The following HEATR1 variants were observed in gnomAD, a reference collection of about 807,000 sequenced individuals.
The protein encoded by HEATR1 is HEAT repeat-containing protein 1.
HEATR1 carries 77 observed loss-of-function variants against 248.2 expected under a neutral mutation model. The ratio of observed to expected loss-of-function variants is 0.31; its 90% confidence interval spans 0.26 to 0.37. The LOEUF (loss-of-function observed/expected upper bound fraction) is 0.37. Ranked by LOEUF, HEATR1 falls within the 10% of genes least tolerant of loss-of-function variation. The probability of loss-of-function intolerance (pLI) is 1.00; values close to 1 mark genes in which losing one functional copy is unlikely to be tolerated. For missense variants in HEATR1, 2,420 were observed against 2,504.9 expected, an observed-to-expected ratio of 0.97 and a Z score of 0.72; for synonymous variants, 897 against 923.1, an observed-to-expected ratio of 0.97 and a Z score of 0.51.
rs528159743 is a variant in HEATR1, at chr1:236,594,219, C to T, written c.1091-105G>A. Reference sequence around the variant, plus strand: ...AATCGTTCTCAGAATAAAACACACACACTGATATCCAGCTTTTTATCTATT... The same window carrying T: ...AATCGTTCTCAGAATAAAACACACATACTGATATCCAGCTTTTTATCTATT... On this transcript the variant is annotated intron_variant, in intron 8 of 44. Transcript: ENST00000366582. 1.9e-5 allele frequency: 12 copies of T among 630,946 alleles called. No individual in the cohort carries two copies. The South Asian group carries it at 2.4e-4, about 13-fold the overall frequency. The allele number at this position is 630,946 out of a possible 1,614,324, so 39.1% of individuals were successfully genotyped here.
rs894209394 is a variant in HEATR1 at position 236,549,992 on chromosome 1, A to G, written c.*910T>C. On this transcript the variant is annotated 3_prime_UTR_variant, in exon 45 of 45. Transcript: ENST00000366582. ...TTAGCTTCAAAGGCTTTTAAACTCA[A>G]TGCGAACATTCTACGGGATGTTCTT... 6.6e-6 allele frequency: 1 copy of G among 152,202 alleles called. No homozygotes were observed. The highest frequency in any genetic ancestry group is 2.4e-5 in the African/African-American group (1 of 41,444). 9.4% of individuals were successfully genotyped at this position (152,202 alleles called of 1,614,324 possible). A position where few individuals can be genotyped will look rare whatever the true frequency, so the allele number is the denominator to read the frequency against.
rs757814368 is a variant in HEATR1, at chr1:236,603,359, C to T, written c.160G>A (p.Glu54Lys). The change falls in exon 3 of 45, where the codon GAG becomes AAG. Residue 54 changes from glutamate (E) to lysine (K), a missense_variant. Glu to Lys is a moderately conservative substitution (Grantham distance 56). Coordinates refer to ENST00000366582, the MANE Select transcript of HEATR1 (RefSeq NM_018072.6). ...AAGGAAGGATCAATTCCAAGCAACT[C>T]TTCCAGGCCAGTACATCCTAAATTT... ...AFAIGCTGLE[E>K]LLGIDPSFEQ... 91 of 1,613,842 alleles carry T rather than the reference C, an allele frequency of 5.6e-5. 1 individual carries two copies. The highest frequency in any genetic ancestry group is 7.1e-5 in the Non-Finnish European group (84 of 1,179,998).
In HEATR1 at chr1:236,584,379, G is replaced by A. The variant is rs1051090401; in HGVS notation, c.2241+646C>T. ...ACACATTTTAGCTAACAATGGCCAT[G>A]ATCAGAACTTATAAAATCCTGCGGG... On this transcript the variant is annotated intron_variant, in intron 17 of 44. Transcript: ENST00000366582. 2.6e-5 allele frequency among the ~76,000 whole-genome samples: 4 copies of A among 152,008 alleles called. 1 individual carries two copies. Among genetic ancestry groups the A allele is most frequent in the South Asian group, 4.1e-4 (2 of 4,820 alleles).
chr1:236,603,731 T>C (rs988357287), intron 2 of HEATR1, among the ~76,000 whole-genome samples: 1 of 152,054 alleles, frequency 6.6e-6, no homozygotes, highest in African/African-American at 2.4e-5. Flanking sequence ...CTCTCTAATT[T>C]TGTTTCTTCA....
chr1:236,574,743 A>G lies in HEATR1; in HGVS notation c.3245T>C (p.Leu1082Pro). The change falls in exon 23 of 45, where the codon CTA becomes CCA. Residue 1082 changes from leucine (L) to proline (P), a missense_variant. Leu to Pro is a moderately conservative substitution (Grantham distance 98, BLOSUM62 -3). Transcript: ENST00000366582. ...VSLLNEDPKS[L>P]DIFIKAVHTT... The stretch of plus-strand genomic sequence containing the variant: ...GTGCACAGCTTTTATAAATATATCT[A>G]GACTCTTCGGATCCTCATTTAAAAG... The G allele has an allele frequency of 6.2e-7, 1 of 1,613,834 alleles. No individual in the cohort carries two copies. Among genetic ancestry groups the G allele is most frequent in the South Asian group, 1.1e-5 (1 of 91,080 alleles).
At chr1:236,553,202 A>G (rs547320365) in intron 43 of HEATR1, among the ~76,000 whole-genome samples, 5 of 152,344 alleles carry the variant, frequency 3.3e-5, no homozygotes, top group Admixed American at 2.0e-4. Context: ...AACTCAAAAG[A>G]CTATAGTGTG....
Position 236,590,861 on chromosome 1 carries a change from T to A in HEATR1, c.1516A>T (p.Met506Leu). 6.6e-7 allele frequency: 1 copy of A among 1,505,154 alleles called. No individual in the cohort carries two copies. The highest frequency in any genetic ancestry group is 9.0e-7 in the Non-Finnish European group (1 of 1,116,632). The allele number at this position is 1,505,154 out of a possible 1,614,324, so 93.2% of individuals were successfully genotyped here. ...ILAMNHLKKI[M>L]KTSKEGVDES... Reference sequence around the variant, plus strand: ...CTGAAACAAACCTTTGATGTTTTCATGATCTTTTTCAAATGATTCATGGCC... The same window carrying A: ...CTGAAACAAACCTTTGATGTTTTCAAGATCTTTTTCAAATGATTCATGGCC... Residue 506 changes from methionine (M) to leucine (L), a missense_variant, in exon 12 of 45, where the codon ATG becomes TTG. Coordinates refer to ENST00000366582, the MANE Select transcript of HEATR1 (RefSeq NM_018072.6).
intron 6 of HEATR1, among the ~76,000 whole-genome samples, 178 bp downstream of exon 6, chr1:236,596,658 T>C (rs1664184179): frequency 6.6e-6 from 1 of 152,122 alleles, no homozygotes; most frequent in Non-Finnish European, 1.5e-5. Context: ...CTAATTAAGG[T>C]CCCAGGCCAG....
chr1:236,580,519 C>CTT lies in HEATR1; in HGVS notation c.2755+701_2755+702dup, dbSNP rs10692063. 2.0e-3 allele frequency among the ~76,000 whole-genome samples: 266 copies of CTT among 132,104 alleles called. 13 individuals are homozygous for CTT. The highest frequency in any genetic ancestry group is 5.6e-3 in the African/African-American group (204 of 36,512). The allele number at this position is 132,104 out of a possible 152,430, so 86.7% of individuals were successfully genotyped here. A position where few individuals can be genotyped will look rare whatever the true frequency, so the allele number is the denominator to read the frequency against. ...CAGAAATATGTATAGATGTACAGCC[C>CTT]TTTTTTTTTTTTTTTGAGACAGGGT... On this transcript the variant is annotated intron_variant, in intron 20 of 44. Coordinates refer to ENST00000366582, the MANE Select transcript of HEATR1 (RefSeq NM_018072.6).
Position 236,595,525 on chromosome 1 carries a change from T to C in HEATR1, c.1090+15A>G, listed in dbSNP as rs1375082256. On this transcript the variant is annotated intron_variant, in intron 8 of 44. Coordinates refer to ENST00000366582, the MANE Select transcript of HEATR1 (RefSeq NM_018072.6). ...TCTTAGAAAATTTCTGGACAAAAAATATAAAACCACACACCTGTAACATGA... is the reference window on the plus strand; with the variant it reads ...TCTTAGAAAATTTCTGGACAAAAAACATAAAACCACACACCTGTAACATGA... 1.9e-6 allele frequency: 3 copies of C among 1,590,164 alleles called. No individual in the cohort carries two copies. The highest frequency in any genetic ancestry group is 2.6e-6 in the Non-Finnish European group (3 of 1,170,508).
chr1:236,557,120 A>T, intron 37 of HEATR1, 75 bp downstream of exon 37: 1 of 1,478,314 alleles, frequency 6.8e-7, no homozygotes, highest in Non-Finnish European at 9.1e-7. Flanking sequence ...TAAAGAAAAA[A>T]CAAAATCACT....
intron 21 of HEATR1, 37 bp downstream of exon 21, chr1:236,576,743 C>T (rs758577928): frequency 3.4e-5 from 53 of 1,579,814 alleles, no homozygotes; most frequent in Non-Finnish European, 3.7e-5. Context: ...TACACAGAGG[C>T]ATGAACACAC....
In HEATR1 at chr1:236,550,768, G is replaced by GTGAT; in HGVS notation, c.*130_*133dup. ...AGCCAGGTGGGGATTTTGTAAAGAAGTGATAAAACATTTGTAAGTAATCCA... is the reference window on the plus strand; with the variant it reads ...AGCCAGGTGGGGATTTTGTAAAGAAGTGATTGATAAAACATTTGTAAGTAATCCA... On this transcript the variant is annotated 3_prime_UTR_variant, in exon 45 of 45. Transcript: ENST00000366582. The GTGAT allele has an allele frequency of 1.5e-6, 1 of 658,244 alleles. No homozygotes were observed. 40.8% of individuals were successfully genotyped at this position (658,244 alleles called of 1,614,324 possible).
chr1:236,561,154 T>C, intron 33 of HEATR1, 71 bp downstream of exon 33: 2 of 1,098,336 alleles, frequency 1.8e-6, no homozygotes, highest in Admixed American at 1.9e-5. Flanking sequence ...TTTTCTGTAC[T>C]GTTTTTCCAG....
chr1:236,600,719 G>C (rs747320005), intron 3 of HEATR1, among the ~76,000 whole-genome samples: 24 of 151,938 alleles, frequency 1.6e-4, no homozygotes, highest in Non-Finnish European at 3.1e-4. Context: ...ATTTCTAGTA[G>C]AGACAGGGAT....
rs1317640774 is a variant in HEATR1, at chr1:236,597,957, T to C, written c.524A>G (p.Lys175Arg). Residue 175 changes from lysine (K) to arginine (R), a missense_variant, in exon 5 of 45, where the codon AAA (lysine) becomes AGA (arginine). Lys to Arg is a conservative substitution (Grantham distance 26). Transcript: ENST00000366582. ...PVKQSGVPLA[K>R]GTLITHCYKD... Reference sequence around the variant, plus strand: ...GTAGCAGTGGGTAATCAAAGTTCCTTTAGCTAACGGCACTCCAGATTGCTG... The same window carrying C: ...GTAGCAGTGGGTAATCAAAGTTCCTCTAGCTAACGGCACTCCAGATTGCTG... The C allele has an allele frequency of 2.5e-6, 4 of 1,613,334 alleles. No individual in the cohort carries two copies. Among genetic ancestry groups the C allele is most frequent in the Non-Finnish European group, 3.4e-6 (4 of 1,179,546 alleles).
chr1:236,553,714 T>C lies in HEATR1; in HGVS notation c.6104A>G (p.Glu2035Gly). 1 of 1,613,272 alleles carries C rather than the reference T, an allele frequency of 6.2e-7. No individual in the cohort carries two copies. Among genetic ancestry groups the C allele is most frequent in the South Asian group, 1.1e-5 (1 of 90,856 alleles). The change falls in exon 43 of 45, where the codon GAG (glutamate) becomes GGG (glycine). Residue 2035 changes from glutamate (E) to glycine (G), a missense_variant. Transcript: ENST00000366582. The part of the protein sequence containing the change: ...DQLENRLGGE[E>G]KFQERVTKHL... Reference sequence around the variant, plus strand: ...CTTTGTCACCCGTTCCTGGAATTTCTCTTCTCCCCCAAGCCTGTTTTCCAG... The same window carrying C: ...CTTTGTCACCCGTTCCTGGAATTTCCCTTCTCCCCCAAGCCTGTTTTCCAG...
At chr1:236,557,969 C>T (rs1663021127) in intron 36 of HEATR1, among the ~76,000 whole-genome samples, 1 of 152,142 alleles carries the variant, frequency 6.6e-6, no homozygotes, top group South Asian at 2.1e-4. Context: ...GACAGGGTCT[C>T]ACTCTGTTGC....
At chr1:236,574,531 G>T in intron 23 of HEATR1, 130 bp downstream of exon 23, 3 of 1,264,006 alleles carry the variant, frequency 2.4e-6, no homozygotes, top group Non-Finnish European at 3.2e-6. Context: ...CCTTTAAAAC[G>T]TCTAGTCCAC....
Sources: gnomAD v4.1 joint callset for allele counts (sites outside exome capture counted in the v4.1 genomes callset) on GRCh38, gnomAD v4.1.1 for gene constraint, MANE v1.5 for transcripts, NCBI Gene and HGNC (gene_info 2026-07-23, HGNC 2026-07-21) for gene names.